The following AP5B1 variants were observed in gnomAD, a reference collection of about 807,000 sequenced individuals.
AP5B1 encodes the protein AP-5 complex subunit beta-1.
AP5B1 carries 3 observed loss-of-function variants against 5.7 expected under a neutral mutation model. The ratio of observed to expected loss-of-function variants is 0.53; its 90% CI spans 0.24 to 1.36. The LOEUF is 1.36. Among genes scored for constraint, AP5B1 ranks in the 40% most tolerant of loss-of-function variants. The pLI, the probability that AP5B1 is intolerant of heterozygous loss-of-function variation, is 0.17. For missense variants in AP5B1, 1,310 were observed against 1,143.2 expected (o/e 1.15, Z -2.10); for synonymous variants, 696 against 555.5 (o/e 1.25, Z -3.56).
rs1164647563 is a variant in AP5B1, at chr11:65,779,869, C to T, written c.624G>A (p.Gly208=). 1.3e-6 allele frequency: 2 copies of T among 1,597,018 alleles called. No individual in the cohort carries two copies. The highest frequency in any genetic ancestry group is 2.2e-5 in the East Asian group (1 of 44,820). The change falls in exon 2 of 2, where the codon GGG becomes GGA. Residue 208 remains glycine, a synonymous_variant. Transcript: ENST00000532090. ...VLQSRVGAGL[G]GLLTDKVSPT... The stretch of plus-strand genomic sequence containing the variant: ...GGGAGACCTTATCCGTGAGCAGTCC[C>T]CCCAGGCCAGCCCCAACCCGGGACT...
At position 65,774,514 on chromosome 11, in the gene AP5B1, C is replaced by T. The variant is rs1262628027; in HGVS notation, c.*3342G>A. 6.6e-6 allele frequency among the ~76,000 whole-genome samples: 1 copy of T among 152,150 alleles called. No individual in the cohort carries two copies. Among genetic ancestry groups the T allele is most frequent in the Non-Finnish European group, 1.5e-5 (1 of 68,036 alleles). ...GCAACCTCCACCTCCCGGGTTCAAGCGATTCTCCTGCCTCAGCCTCCTGAG... is the reference window on the plus strand; with the variant it reads ...GCAACCTCCACCTCCCGGGTTCAAGTGATTCTCCTGCCTCAGCCTCCTGAG... On this transcript the variant is annotated 3_prime_UTR_variant, in exon 2 of 2. Coordinates refer to ENST00000532090, the MANE Select transcript of AP5B1 (RefSeq NM_138368.5).
rs151204562 is a variant in AP5B1 at position 65,774,598 on chromosome 11, C to T, written c.*3258G>A. The stretch of plus-strand genomic sequence containing the variant: ...CTAATTTTTGGATTTTTAGTAGAGA[C>T]GGGTTTCACCATGTTGGCCAGGCTG... On this transcript the variant is annotated 3_prime_UTR_variant, in exon 2 of 2. Transcript: ENST00000532090. 7.0e-3 allele frequency among the ~76,000 whole-genome samples: 1,069 copies of T among 152,130 alleles called. 7 individuals carry two copies. Among genetic ancestry groups the T allele is most frequent in the African/African-American group, 0.024 (1,004 of 41,500 alleles).
chr11:65,777,805 C>G lies in AP5B1; in HGVS notation c.*51G>C. 6.9e-7 allele frequency: 1 copy of G among 1,454,832 alleles called. No individual in the cohort carries two copies. Among genetic ancestry groups the G allele is most frequent in the Non-Finnish European group, 9.1e-7 (1 of 1,101,688 alleles). 90.1% of individuals were successfully genotyped at this position (1,454,832 alleles called of 1,614,324 possible). On this transcript the variant is annotated 3_prime_UTR_variant, in exon 2 of 2. Coordinates refer to ENST00000532090, the MANE Select transcript of AP5B1 (RefSeq NM_138368.5). The stretch of plus-strand genomic sequence containing the variant: ...TTGGCGACAGAGCTACAGGAGTGTG[C>G]CTTGGCCCCCACAAGGGCCACAGTC...
At position 65,780,944 on chromosome 11, in the gene AP5B1, C is replaced by G. The variant is rs1025200405; in HGVS notation, c.-353G>C. The stretch of plus-strand genomic sequence containing the variant: ...CGCTCGCCGCCTGACTCAGCCGCCG[C>G]GGGCACTCAGGCCGGCCGGCTCCTT... On this transcript the variant is annotated 5_prime_UTR_variant, in exon 1 of 2. Transcript: ENST00000532090. 17 of 152,270 alleles carry G rather than the reference C, an allele frequency of 1.1e-4. No homozygotes were observed. Among genetic ancestry groups the G allele is most frequent in the African/African-American group, 4.1e-4 (17 of 41,308 alleles). The allele number at this position is 152,270 out of a possible 1,614,324, so 9.4% of individuals were successfully genotyped here.
Position 65,778,243 on chromosome 11 carries a change from G to A in AP5B1, c.2250C>T (p.Leu750=), listed in dbSNP as rs1346658775. Residue 750 remains leucine (L), a synonymous_variant, in exon 2 of 2, where the codon CTC becomes CTT. Coordinates refer to ENST00000532090, the MANE Select transcript of AP5B1 (RefSeq NM_138368.5). The stretch of plus-strand genomic sequence containing the variant: ...GGGGTGGCAAGTGGGCATGGCACGT[G>A]AGACCAGTGGATGTGGTGTAAAGGG... ...VHALYTTSTG[L]TCHAHLPPLF... The A allele has an allele frequency of 1.2e-6, 2 of 1,613,312 alleles. No homozygotes were observed. The highest frequency in any genetic ancestry group is 1.3e-5 in the African/African-American group (1 of 74,940).
Position 65,778,521 on chromosome 11 carries a change from G to A in AP5B1, c.1972C>T (p.Gln658Ter), listed in dbSNP as rs1857797047. 6.3e-7 allele frequency: 1 copy of A among 1,575,096 alleles called. No individual in the cohort carries two copies. Among genetic ancestry groups the A allele is most frequent in the Non-Finnish European group, 8.6e-7 (1 of 1,164,184 alleles). Residue 658 changes from glutamine to a stop codon, truncating the protein, a stop_gained, in exon 2 of 2, where the codon CAG becomes TAG. Coordinates refer to ENST00000532090, the MANE Select transcript of AP5B1 (RefSeq NM_138368.5). LOFTEE classifies it low-confidence loss of function (END_TRUNC). ...NQGFVAALMV[Q>*]EAPALVRLSL... ...AGCCGTACCAGGGCCGGTGCCTCCT[G>A]CACCATCAGTGCTGCCACAAAGCCC... is the stretch of plus-strand genomic sequence containing the variant.
In AP5B1 at chr11:65,780,006, C is replaced by G. The variant is rs757524256; in HGVS notation, c.487G>C (p.Gly163Arg). ...CLRELESCKP[G>R]LLGGSLGLLR... ...AACCCCAGGGAGCCCCCCAGCAGCCCGGGCTTGCAGCTCTCTAGCTCTCGC... is the reference window on the plus strand; with the variant it reads ...AACCCCAGGGAGCCCCCCAGCAGCCGGGGCTTGCAGCTCTCTAGCTCTCGC... The change falls in exon 2 of 2, where the codon GGG (glycine) becomes CGG (arginine). Residue 163 changes from glycine to arginine, a missense_variant. Gly to Arg is a moderately radical substitution (Grantham distance 125). Coordinates refer to ENST00000532090, the MANE Select transcript of AP5B1 (RefSeq NM_138368.5). 15 of 1,564,196 alleles carry G rather than the reference C, an allele frequency of 9.6e-6. No homozygotes were observed. The highest frequency in any genetic ancestry group is 1.7e-4 in the Middle Eastern group (1 of 5,912).
chr11:65,780,378 G>C (rs770843043), intron 1 of AP5B1, 36 bp from the exon 2 acceptor site: 1 of 1,462,366 alleles, frequency 6.8e-7, no homozygotes, highest in Non-Finnish European at 9.0e-7. Context: ...ACGAAGATGA[G>C]GTTCATGACG....
Position 65,779,423 on chromosome 11 carries a change from T to C in AP5B1, c.1070A>G (p.His357Arg). ...LLRRLTLAAQ[H>R]PALPPPTHLF... The stretch of plus-strand genomic sequence containing the variant: ...ATGGGTGGGCGGAGGCAGAGCAGGG[T>C]GCTGGGCAGCCAAGGTGAGCCGGCG... The change falls in exon 2 of 2, where the codon CAC (histidine) becomes CGC (arginine). Residue 357 changes from histidine (H) to arginine (R), a missense_variant. Physicochemically the swap from His to Arg is conservative, Grantham distance 29. Coordinates refer to ENST00000532090, the MANE Select transcript of AP5B1 (RefSeq NM_138368.5). The C allele has an allele frequency of 6.2e-7, 1 of 1,608,048 alleles. No individual in the cohort carries two copies. Among genetic ancestry groups the C allele is most frequent in the South Asian group, 1.1e-5 (1 of 90,432 alleles).
Position 65,774,207 on chromosome 11 carries a change from C to A in AP5B1, c.*3649G>T, listed in dbSNP as rs1049462183. Among the ~76,000 whole-genome samples the A allele has an allele frequency of 6.6e-6, 1 of 152,222 alleles. No individual in the cohort carries two copies. Among genetic ancestry groups the A allele is most frequent in the Admixed American group, 6.5e-5 (1 of 15,292 alleles). On this transcript the variant is annotated 3_prime_UTR_variant, in exon 2 of 2. Coordinates refer to ENST00000532090, the MANE Select transcript of AP5B1 (RefSeq NM_138368.5). ...GGCCACGAGGTGGCATCTGTTCAGT[C>A]GGTGGGGTTTTAGGATTTTTAGTTT...
At position 65,777,417 on chromosome 11, in the gene AP5B1, C is replaced by G. The variant is rs78903837; in HGVS notation, c.*439G>C. 0.022 allele frequency: 3,658 copies of G among 165,248 alleles called. 142 individuals are homozygous for G. Among genetic ancestry groups the G allele is most frequent in the African/African-American group, 0.08 (3,332 of 41,812 alleles). The allele number at this position is 165,248 out of a possible 1,614,324, so 10.2% of individuals were successfully genotyped here. ...CACGCTCACGTTGAAATGCGATTGCCACTGTAACAGTATAAGATTAGACCC... is the reference window on the plus strand; with the variant it reads ...CACGCTCACGTTGAAATGCGATTGCGACTGTAACAGTATAAGATTAGACCC... On this transcript the variant is annotated 3_prime_UTR_variant, in exon 2 of 2. Transcript: ENST00000532090.
chr11:65,776,349 G>A lies in AP5B1; in HGVS notation c.*1507C>T, dbSNP rs1254956651. 6.6e-6 allele frequency: 1 copy of A among 152,242 alleles called. No individual in the cohort carries two copies. Among genetic ancestry groups the A allele is most frequent in the African/African-American group, 2.4e-5 (1 of 41,454 alleles). 9.4% of individuals were successfully genotyped at this position (152,242 alleles called of 1,614,324 possible). On this transcript the variant is annotated 3_prime_UTR_variant, in exon 2 of 2. Coordinates refer to ENST00000532090, the MANE Select transcript of AP5B1 (RefSeq NM_138368.5). ...TGTGGCCCTGGCTGAGGTCTGCTCT[G>A]ATGGCATGGTAATGGAAACCTGCTA...
In AP5B1 at chr11:65,779,441, A is replaced by T; in HGVS notation, c.1052T>A (p.Leu351His). Residue 351 changes from leucine (L) to histidine (H), a missense_variant, in exon 2 of 2, where the codon CTC becomes CAC. Coordinates refer to ENST00000532090, the MANE Select transcript of AP5B1 (RefSeq NM_138368.5). ...AQDEALLLRR[L>H]TLAAQHPALP... Reference sequence around the variant, plus strand: ...AGCAGGGTGCTGGGCAGCCAAGGTGAGCCGGCGGAGCAGCAACGCTTCATC... The same window carrying T: ...AGCAGGGTGCTGGGCAGCCAAGGTGTGCCGGCGGAGCAGCAACGCTTCATC... The T allele has an allele frequency of 1.2e-6, 2 of 1,607,358 alleles. No homozygotes were observed. The highest frequency in any genetic ancestry group is 4.5e-5 in the East Asian group (2 of 44,666).
rs1204689022 is a variant in AP5B1, at chr11:65,780,562, G to A, written c.30C>T (p.Ala10=). Residue 10 remains alanine, a synonymous_variant, in exon 1 of 2, where the codon GCC becomes GCT. Coordinates refer to ENST00000532090, the MANE Select transcript of AP5B1 (RefSeq NM_138368.5). ...TGGCCCGGAAGGCCCCCAAGCGCTG[G>A]GCCCAGGCGTCCCGGCTCAGGGGCC... MGPLSRDAW[A]QRLGAFRASP... The A allele has an allele frequency of 1.3e-6, 2 of 1,490,772 alleles. No homozygotes were observed. Among genetic ancestry groups the A allele is most frequent in the Non-Finnish European group, 1.8e-6 (2 of 1,125,326 alleles). 92.3% of individuals were successfully genotyped at this position (1,490,772 alleles called of 1,614,324 possible).
rs1337514925 is a variant in AP5B1, at chr11:65,777,677, A to G, written c.*179T>C. 11 of 678,582 alleles carry G rather than the reference A, an allele frequency of 1.6e-5. No homozygotes were observed. Among genetic ancestry groups the G allele is most frequent in the Non-Finnish European group, 4.8e-6 (2 of 417,602 alleles). The allele number at this position is 678,582 out of a possible 1,614,324, so 42.0% of individuals were successfully genotyped here. A position where few individuals can be genotyped will look rare whatever the true frequency, so the allele number is the denominator to read the frequency against. On this transcript the variant is annotated 3_prime_UTR_variant, in exon 2 of 2. Transcript: ENST00000532090. ...TACCCCGTCTCAGGGATCTTGCTAGAGCAGCAAAAACAGACTCAGACAGAC... is the reference window on the plus strand; with the variant it reads ...TACCCCGTCTCAGGGATCTTGCTAGGGCAGCAAAAACAGACTCAGACAGAC...
In AP5B1 at chr11:65,778,033, C is replaced by A; in HGVS notation, c.2460G>T (p.Val820=). ...AGTAGCTGGTAGGAGGCTGGGCCAC[C>A]ACCACAAAAGGCTCCAGGTGGCGGG... ...LVSRHLEPFV[V]VAQPPTSYCV... The change falls in exon 2 of 2, where the codon GTG becomes GTT. Residue 820 remains valine (V), a synonymous_variant. Transcript: ENST00000532090. 6.2e-7 allele frequency: 1 copy of A among 1,612,612 alleles called. No individual in the cohort carries two copies. The highest frequency in any genetic ancestry group is 8.5e-7 in the Non-Finnish European group (1 of 1,179,778).
rs561773660 is a variant in AP5B1, at chr11:65,776,574, C to A, written c.*1282G>T. 3 of 151,642 alleles carry A rather than the reference C, an allele frequency of 2.0e-5. No individual in the cohort carries two copies. The highest frequency in any genetic ancestry group is 1.9e-4 in the East Asian group (1 of 5,154). 9.4% of individuals were successfully genotyped at this position (151,642 alleles called of 1,614,324 possible). On this transcript the variant is annotated 3_prime_UTR_variant, in exon 2 of 2. Transcript: ENST00000532090. The stretch of plus-strand genomic sequence containing the variant: ...TGTTTGCATGTTTGGGAAAAAAAAA[C>A]AACAACTAGAGGAACTAGTTCTTCT...
chr11:65,778,585 G>T lies in AP5B1; in HGVS notation c.1908C>A (p.Ala636=). ...KLGVALGPSL[A]APALASSLVA... is the part of the protein sequence containing the mutation. Reference sequence around the variant, plus strand: ...CCAGTGAAGAGGCCAGTGCAGGTGCGGCAAGCGAGGGGCCCAGGGCCACCC... The same window carrying T: ...CCAGTGAAGAGGCCAGTGCAGGTGCTGCAAGCGAGGGGCCCAGGGCCACCC... Residue 636 remains alanine, a synonymous_variant, in exon 2 of 2, where the codon GCC becomes GCA. Coordinates refer to ENST00000532090, the MANE Select transcript of AP5B1 (RefSeq NM_138368.5). 14 of 1,590,728 alleles carry T rather than the reference G, an allele frequency of 8.8e-6. No homozygotes were observed. Among genetic ancestry groups the T allele is most frequent in the Non-Finnish European group, 1.2e-5 (14 of 1,170,432 alleles).
chr11:65,778,789 C>T lies in AP5B1; in HGVS notation c.1704G>A (p.Thr568=), dbSNP rs111901449. Residue 568 remains threonine, a synonymous_variant, in exon 2 of 2, where the codon ACG becomes ACA. Coordinates refer to ENST00000532090, the MANE Select transcript of AP5B1 (RefSeq NM_138368.5). ...GCAGGCCCTGCTGTAGGTCCCAGTT[C>T]GTGCAGTGGGCAGCCGCGGCCTGTA... The part of the protein sequence containing the change: ...NFLQAAAAHC[T]NWDLQQGLLR... 701 of 1,611,340 alleles carry T rather than the reference C, an allele frequency of 4.4e-4. 3 individuals carry two copies. The highest frequency in any genetic ancestry group is 1.6e-3 in the South Asian group (146 of 90,844).
Sources: allele counts gnomAD v4.1 joint callset (sites outside exome capture counted in the v4.1 genomes callset), GRCh38; gene constraint gnomAD v4.1.1; transcripts MANE v1.5; gene names NCBI Gene and HGNC (gene_info 2026-07-23, HGNC 2026-07-21).